CHPT1: variants seen among roughly 807,000 people sequenced by gnomAD.
CHPT1 encodes choline phosphotransferase 1.
A neutral mutation model predicts 47.6 loss-of-function variants in CHPT1; 36 were observed. That is an observed-to-expected ratio of 0.76 (90% CI 0.58 to 1.00). CHPT1 has a LOEUF of 1.00. CHPT1 is among the 50% of genes least tolerant of loss of function. The pLI is 0.00. For missense variants in CHPT1, 458 were observed against 498.1 expected, an observed-to-expected ratio of 0.92 and a Z score of 0.77; for synonymous variants, 194 against 186.3, an observed-to-expected ratio of 1.04 and a Z score of -0.33.
intron 7 of CHPT1, among the ~76,000 whole-genome samples, chr12:101,725,011 T>C (rs1337853262): frequency 6.6e-6 from 1 of 152,148 alleles, no homozygotes; most frequent in Non-Finnish European, 1.5e-5. Context: ...TATATAAATA[T>C]ACCGAAGTAC....
intron 1 of CHPT1, among the ~76,000 whole-genome samples, chr12:101,713,590 G>A (rs763464737): frequency 1.3e-5 from 2 of 152,090 alleles, no homozygotes; most frequent in African/African-American, 4.8e-5. Context: ...GGGATCACAA[G>A]CCTGCACTGC....
chr12:101,707,409 C>T (rs75297644), intron 1 of CHPT1, among the ~76,000 whole-genome samples: 1 of 152,158 alleles, frequency 6.6e-6, no homozygotes, highest in Admixed American at 6.5e-5. Flanking sequence ...AAGAGCTGTT[C>T]CTAAACTCAT....
chr12:101,714,664 T>C lies in CHPT1; in HGVS notation c.563+19T>C, dbSNP rs1228290317. 6.3e-7 allele frequency: 1 copy of C among 1,587,266 alleles called. No homozygotes were observed. Among genetic ancestry groups the C allele is most frequent in the East Asian group, 2.3e-5 (1 of 44,390 alleles). On this transcript the variant is annotated intron_variant, in intron 3 of 8. Transcript: ENST00000229266. ...TTGGAAAGTAAGTATGCTTTTTAAG[T>C]TGTACATTAAAAAATATAATTGAAT... is the stretch of plus-strand genomic sequence containing the variant.
chr12:101,707,770 A>C, intron 1 of CHPT1, among the ~76,000 whole-genome samples: 1 of 152,116 alleles, frequency 6.6e-6, no homozygotes, highest in East Asian at 1.9e-4. Flanking sequence ...ACCAAGATGA[A>C]GGTACTAGTG....
Position 101,714,492 on chromosome 12 carries a change from T to C in CHPT1, c.422-12T>C, listed in dbSNP as rs1388812553. Reference sequence around the variant, plus strand: ...TTAATTCTTAATGATTCTTAAACTTTGTTTCTTTCAGTATTTATGGCAGTG... The same window carrying C: ...TTAATTCTTAATGATTCTTAAACTTCGTTTCTTTCAGTATTTATGGCAGTG... On this transcript the variant is annotated splice_polypyrimidine_tract_variant and intron_variant, in intron 2 of 8. Coordinates refer to ENST00000229266, the MANE Select transcript of CHPT1 (RefSeq NM_020244.3). 6.3e-7 allele frequency: 1 copy of C among 1,587,798 alleles called. No individual in the cohort carries two copies. The highest frequency in any genetic ancestry group is 1.2e-5 in the South Asian group (1 of 85,730).
chr12:101,725,319 AAT>A (rs1394723609), intron 7 of CHPT1, among the ~76,000 whole-genome samples: 1 of 152,092 alleles, frequency 6.6e-6, no homozygotes, highest in Admixed American at 6.5e-5. Context: ...TAAAAAAAAA[AAT>A]GTTTAAAAAT....
At chr12:101,715,027 T>A (rs1951745002) in intron 3 of CHPT1, 1 of 154,506 alleles carries the variant, frequency 6.5e-6, no homozygotes, top group South Asian at 2.1e-4. Flanking sequence ...TGGTCGAATC[T>A]TCATGTGCAC....
intron 8 of CHPT1, chr12:101,728,676 CAGTGTT>C (rs1235773308): frequency 3.0e-5 from 14 of 461,166 alleles, no homozygotes; most frequent in African/African-American, 1.6e-4. Context: ...ATTTAATTGA[CAGTGTT>C]AGAGAGAAAA....
chr12:101,702,141 G>A (rs1419768556), intron 1 of CHPT1, among the ~76,000 whole-genome samples: 1 of 152,202 alleles, frequency 6.6e-6, no homozygotes, highest in African/African-American at 2.4e-5. Flanking sequence ...ATTTATATAT[G>A]TGATAACCCA....
intron 1 of CHPT1, among the ~76,000 whole-genome samples, chr12:101,699,208 C>CT (rs957580709): frequency 2.6e-5 from 4 of 151,926 alleles, no homozygotes; most frequent in African/African-American, 9.7e-5. Flanking sequence ...CTGCCTCAGC[C>CT]TTCCAAGTAG....
intron 3 of CHPT1, 133 bp downstream of exon 3, chr12:101,714,778 T>A (rs1951741458): frequency 1.3e-6 from 1 of 789,614 alleles, no homozygotes; most frequent in East Asian, 3.0e-5. Context: ...GGAGTACTCA[T>A]AAATGCTACA....
At chr12:101,718,289 G>C (rs572944576) in intron 4 of CHPT1, among the ~76,000 whole-genome samples, 1 of 152,286 alleles carries the variant, frequency 6.6e-6, no homozygotes, top group East Asian at 1.9e-4. Context: ...TGATAATGAC[G>C]TGTCAATGTA....
intron 5 of CHPT1, 26 bp from the exon 6 acceptor site, chr12:101,723,142 T>TA (rs1951883119): frequency 8.8e-6 from 14 of 1,599,794 alleles, no homozygotes; most frequent in Non-Finnish European, 1.2e-5. Context: ...TAAAATGTGA[T>TA]ACTGATTTTC....
rs780322159 is a variant in CHPT1 at position 101,697,925 on chromosome 12, A to G, written c.64A>G (p.Ser22Gly). 6.1e-6 allele frequency: 9 copies of G among 1,466,918 alleles called. No individual in the cohort carries two copies. The South Asian group carries it at 1.0e-4, about 17-fold the overall frequency. The allele number at this position is 1,466,918 out of a possible 1,614,324, so 90.9% of individuals were successfully genotyped here. Residue 22 changes from serine (S) to glycine (G), a missense_variant, in exon 1 of 9, where the codon AGC becomes GGC. Physicochemically the swap from Ser to Gly is moderately conservative, Grantham distance 56. Transcript: ENST00000229266. ...GCTGAGGGCGCTGAGCGAGCCGCTG[A>G]GCGCGGCGCAGCTGCGGCGACTGGA... The part of the protein sequence containing the change: ...RWLRALSEPL[S>G]AAQLRRLEEH...
chr12:101,724,137 T>G (rs964458670), intron 7 of CHPT1, among the ~76,000 whole-genome samples: 2 of 151,306 alleles, frequency 1.3e-5, no homozygotes, highest in Admixed American at 1.3e-4. Context: ...GCAAATCACT[T>G]GAACCTGGGA....
At chr12:101,702,508 C>T (rs1951567570) in intron 1 of CHPT1, among the ~76,000 whole-genome samples, 2 of 152,240 alleles carry the variant, frequency 1.3e-5, no homozygotes, top group South Asian at 4.2e-4. Flanking sequence ...TTAAATAACT[C>T]ATATTTTAAA....
intron 1 of CHPT1, among the ~76,000 whole-genome samples, chr12:101,710,690 C>T (rs1951692671): frequency 6.7e-6 from 1 of 148,888 alleles, no homozygotes; most frequent in Admixed American, 6.8e-5. Flanking sequence ...AAATTTATTT[C>T]AGTATGAATT....
At position 101,697,917 on chromosome 12, in the gene CHPT1, A is replaced by C; in HGVS notation, c.56A>C (p.Glu19Ala). The C allele has an allele frequency of 7.0e-7, 1 of 1,429,456 alleles. No homozygotes were observed. Among genetic ancestry groups the C allele is most frequent in the South Asian group, 1.4e-5 (1 of 71,282 alleles). The allele number at this position is 1,429,456 out of a possible 1,614,324, so 88.5% of individuals were successfully genotyped here. ...SAPRWLRALS[E>A]PLSAAQLRRL... ...CCGCGCTGGCTGAGGGCGCTGAGCG[A>C]GCCGCTGAGCGCGGCGCAGCTGCGG... Residue 19 changes from glutamate (E) to alanine (A), a missense_variant, in exon 1 of 9, where the codon GAG (glutamate) becomes GCG (alanine). Transcript: ENST00000229266.
At chr12:101,728,188 T>C (rs1226484651) in intron 8 of CHPT1, 2 of 152,392 alleles carry the variant, frequency 1.3e-5, no homozygotes, top group African/African-American at 4.8e-5. Context: ...AGGCGGAGGT[T>C]GCAGTGAGCT....
Sources: gnomAD v4.1 joint callset for allele counts (sites outside exome capture counted in the v4.1 genomes callset) on GRCh38, gnomAD v4.1.1 for gene constraint, MANE v1.5 for transcripts, NCBI Gene and HGNC (gene_info 2026-07-23, HGNC 2026-07-21) for gene names.